The following FBXW11 variants were observed in gnomAD, a reference collection of about 807,000 sequenced individuals.
The protein encoded by FBXW11 is F-box and WD repeat domain containing 11, also known as F-box/WD repeat-containing protein 11.
FBXW11 carries 19 observed loss-of-function variants against 77.6 expected under a neutral mutation model. The ratio of observed to expected loss-of-function variants is 0.24; its 90% CI spans 0.17 to 0.36. The LOEUF (loss-of-function observed/expected upper bound fraction) is 0.36. Ranked by LOEUF, FBXW11 falls within the 10% of genes least tolerant of loss-of-function variation. The probability of loss-of-function intolerance (pLI) is 1.00; values close to 1 mark genes in which losing one functional copy is unlikely to be tolerated. For missense variants in FBXW11, 334 were observed against 704.2 expected (o/e 0.47, Z 5.95); for synonymous variants, 235 against 249.4 (o/e 0.94, Z 0.54).
At chr5:171,871,386 T>C (rs551813266) in intron 10 of FBXW11, among the ~76,000 whole-genome samples, 1 of 152,286 alleles carries the variant, frequency 6.6e-6, no homozygotes, top group African/African-American at 2.4e-5. Flanking sequence ...TAAGGACCAC[T>C]GAGGTTAGAA....
intron 2 of FBXW11, among the ~76,000 whole-genome samples, chr5:171,930,733 T>TAA (rs1223443641): frequency 2.0e-5 from 1 of 50,202 alleles, no homozygotes; most frequent in Non-Finnish European, 4.6e-5. Context: ...AAAAAATAAA[T>TAA]AAAAAATAAA....
In FBXW11 at chr5:171,989,567, G is replaced by A. The variant is rs1020118784; in HGVS notation, c.45+16891C>T. On this transcript the variant is annotated intron_variant, in intron 1 of 13. Transcript: ENST00000517395. ...AGAAACCAGTTAAATGACACCACGAGGAAATAATGAATGCACAAGGTTACA... is the reference window on the plus strand; with the variant it reads ...AGAAACCAGTTAAATGACACCACGAAGAAATAATGAATGCACAAGGTTACA... Among the ~76,000 whole-genome samples, 5 of 152,168 alleles carry A rather than the reference G, an allele frequency of 3.3e-5. No homozygotes were observed. In the East Asian group the frequency reaches 7.7e-4, roughly 23 times the overall value.
chr5:171,974,982 C>G (rs1303500180), intron 1 of FBXW11, among the ~76,000 whole-genome samples: 1 of 151,982 alleles, frequency 6.6e-6, no homozygotes, highest in African/African-American at 2.4e-5. Flanking sequence ...TTAGTAGAGA[C>G]AGGGTTTCAC....
Position 171,938,773 on chromosome 5 carries a change from C to G in FBXW11, c.147+18824G>C, listed in dbSNP as rs562175210. ...AACCTACATGCTCATACGAAAGACA[C>G]TGGCTGAATAAACTATGGCATATGA... On this transcript the variant is annotated intron_variant, in intron 2 of 13. Transcript: ENST00000517395. 1.1e-4 allele frequency among the ~76,000 whole-genome samples: 16 copies of G among 152,284 alleles called. No homozygotes were observed. In the East Asian group the frequency reaches 2.9e-3, roughly 28 times the overall value.
chr5:172,002,701 T>C (rs1300082350), intron 1 of FBXW11, among the ~76,000 whole-genome samples: 26 of 136,732 alleles, frequency 1.9e-4, no homozygotes, highest in South Asian at 1.2e-3. Context: ...CTTTTCTTTT[T>C]TTTTTTTTTT....
chr5:171,987,726 T>C (rs150779154), intron 1 of FBXW11, among the ~76,000 whole-genome samples: 8 of 152,290 alleles, frequency 5.3e-5, no homozygotes, highest in African/African-American at 1.7e-4. Flanking sequence ...GTGCTGGGAT[T>C]ACGGGCGTGA....
chr5:171,964,487 T>C (rs1011570155), intron 1 of FBXW11, among the ~76,000 whole-genome samples: 1 of 152,208 alleles, frequency 6.6e-6, no homozygotes, highest in African/African-American at 2.4e-5. Flanking sequence ...CAGTTTCTGC[T>C]GAAGACTGCC....
chr5:171,883,393 G>A lies in FBXW11; in HGVS notation c.853-5264C>T, dbSNP rs147014788. ...ACAACAGGCCCCAGTGTGGGGAGGC[G>A]GGAGGGATAGCATTAGGAGATATAC... On this transcript the variant is annotated intron_variant, in intron 7 of 13. Coordinates refer to ENST00000517395, the MANE Select transcript of FBXW11 (RefSeq NM_001378974.1). 3.0e-3 allele frequency among the ~76,000 whole-genome samples: 453 copies of A among 152,286 alleles called. 3 individuals are homozygous for A. The highest frequency in any genetic ancestry group is 0.014 in the Middle Eastern group (4 of 292).
intron 2 of FBXW11, among the ~76,000 whole-genome samples, chr5:171,953,863 TATG>T (rs572238096): frequency 1.8e-3 from 276 of 152,278 alleles, no homozygotes; most frequent in Admixed American, 5.7e-3. Context: ...TATCAAAAGC[TATG>T]ATAAGTTCTG....
intron 7 of FBXW11, among the ~76,000 whole-genome samples, chr5:171,881,946 C>T (rs978853702): frequency 4.6e-5 from 7 of 152,148 alleles, no homozygotes; most frequent in Non-Finnish European, 5.9e-5. Context: ...TATTAGGAAT[C>T]TGAGTGCTTT....
rs1177564904 is a variant in FBXW11, at chr5:171,931,548, AAAATGG to A, written c.148-17149_148-17144del. Among the ~76,000 whole-genome samples the A allele has an allele frequency of 2.0e-5, 3 of 152,366 alleles. No homozygotes were observed. The East Asian group carries it at 5.8e-4, about 29-fold the overall frequency. Reference sequence around the variant, plus strand: ...GAATACAGATTACAAGCCTAAATGGAAAATGGAAAGCTCTAAAACTCCTAAAAGATA... The same window carrying A: ...GAATACAGATTACAAGCCTAAATGGAAAAGCTCTAAAACTCCTAAAAGATA... On this transcript the variant is annotated intron_variant, in intron 2 of 13. Coordinates refer to ENST00000517395, the MANE Select transcript of FBXW11 (RefSeq NM_001378974.1).
In FBXW11 at chr5:171,914,358, T is replaced by C; in HGVS notation, c.195A>G (p.Lys65=). The change falls in exon 3 of 14, where the codon AAA becomes AAG. Residue 65 remains lysine (K), a synonymous_variant. Coordinates refer to ENST00000517395, the MANE Select transcript of FBXW11 (RefSeq NM_001378974.1). Reference sequence around the variant, plus strand: ...TCATTCCTACCTGCCAAAGAGTATTTTTCTTTGGGGACTCATCTTCATTTT... The same window carrying C: ...TCATTCCTACCTGCCAAAGAGTATTCTTCTTTGGGGACTCATCTTCATTTT... ...EDQNEDESPK[K]NTLWQISNGT... is the part of the protein sequence containing the mutation. 1.2e-6 allele frequency: 2 copies of C among 1,606,778 alleles called. No individual in the cohort carries two copies. Among genetic ancestry groups the C allele is most frequent in the Non-Finnish European group, 1.7e-6 (2 of 1,176,970 alleles).
At chr5:171,912,423 GAA>G (rs1415875010) in intron 3 of FBXW11, among the ~76,000 whole-genome samples, 2 of 152,184 alleles carry the variant, frequency 1.3e-5, no homozygotes, top group African/African-American at 4.8e-5. Flanking sequence ...AAACAGAGAT[GAA>G]AAGTCTTTGC....
chr5:171,996,326 A>G (rs1183944622), intron 1 of FBXW11, among the ~76,000 whole-genome samples: 2 of 152,202 alleles, frequency 1.3e-5, no homozygotes, highest in Non-Finnish European at 2.9e-5. Flanking sequence ...GTCTCTGTTT[A>G]CTGTATTTCC....
intron 2 of FBXW11, among the ~76,000 whole-genome samples, chr5:171,942,386 T>A (rs1004113842): frequency 4.9e-4 from 75 of 152,180 alleles, no homozygotes; most frequent in Non-Finnish European, 8.7e-4. Context: ...TTTGCGGGAC[T>A]TCCACGACCT....
intron 7 of FBXW11, among the ~76,000 whole-genome samples, chr5:171,883,434 G>A (rs1449847097): frequency 6.6e-6 from 1 of 152,158 alleles, no homozygotes; most frequent in Admixed American, 6.5e-5. Context: ...ATTAAATGAC[G>A]AGTTAATGGG....
intron 1 of FBXW11, among the ~76,000 whole-genome samples, chr5:171,986,846 C>G (rs1158127199): frequency 1.3e-5 from 2 of 152,208 alleles, no homozygotes; most frequent in Non-Finnish European, 2.9e-5. Context: ...CAACCCCAGG[C>G]TGTGGACTGG....
At chr5:171,921,906 T>A (rs962679910) in intron 2 of FBXW11, among the ~76,000 whole-genome samples, 6 of 151,994 alleles carry the variant, frequency 3.9e-5, no homozygotes, top group African/African-American at 1.4e-4. Flanking sequence ...ACCCAACTAA[T>A]TTTTTAAAAT....
At chr5:171,990,463 T>C (rs1043535788) in intron 1 of FBXW11, among the ~76,000 whole-genome samples, 1 of 152,182 alleles carries the variant, frequency 6.6e-6, no homozygotes, top group Non-Finnish European at 1.5e-5. Flanking sequence ...ATCAGATTTA[T>C]AAAAGCACCT....
Sources: gnomAD v4.1 joint callset for allele counts (sites outside exome capture counted in the v4.1 genomes callset) on GRCh38, gnomAD v4.1.1 for gene constraint, MANE v1.5 for transcripts, NCBI Gene and HGNC (gene_info 2026-07-23, HGNC 2026-07-21) for gene names.